Variants in INSL6 observed in about 807,000 individuals in gnomAD.
INSL6 encodes the protein insulin-like peptide INSL6.
A neutral mutation model predicts 9.4 loss-of-function variants in INSL6; 16 were observed. The ratio of observed to expected loss-of-function variants is 1.70; its 90% confidence interval spans 1.15 to 2.59. The LOEUF is 2.59. INSL6 is among the 30% of genes most tolerant of loss of function. INSL6 has a pLI of 0.00. For synonymous variants in INSL6, 154 were observed against 96.9 expected (o/e 1.59, Z -3.46); for missense variants, 391 against 257.3 (o/e 1.52, Z -3.56).
At chr9:5,072,282 T>A in the INSL6 span, among the ~76,000 whole-genome samples, 1 of 152,144 alleles carries the variant, frequency 6.6e-6, no homozygotes, top group Admixed American at 6.5e-5. Context: ...AAAATACACT[T>A]AATTCATTAA....
chr9:5,162,646 C>T (rs1488599039), downstream of INSL6, among the ~76,000 whole-genome samples: 5 of 152,216 alleles, frequency 3.3e-5, no homozygotes, highest in East Asian at 9.6e-4. Context: ...TTTGTATCTA[C>T]ATGGGTAGCT....
chr9:5,061,404 T>C, the INSL6 span, among the ~76,000 whole-genome samples: 1 of 152,248 alleles, frequency 6.6e-6, no homozygotes, highest in South Asian at 2.1e-4. Context: ...CAATGGTCCT[T>C]ACTAGATCTT....
chr9:5,086,855 A>T, the INSL6 span, among the ~76,000 whole-genome samples: 1 of 152,166 alleles, frequency 6.6e-6, no homozygotes, highest in African/African-American at 2.4e-5. Context: ...CTTCTCATAG[A>T]GCAGTTTGTA....
At chr9:5,170,556 CTT>C (rs202135593) in intron 1 of INSL6, among the ~76,000 whole-genome samples, 1 of 138,308 alleles carries the variant, frequency 7.2e-6, no homozygotes. Flanking sequence ...AATCCAGGGG[CTT>C]TTTTTTTTTT....
At chr9:5,084,089 C>T in the INSL6 span, among the ~76,000 whole-genome samples, 11 of 151,972 alleles carry the variant, frequency 7.2e-5, no homozygotes, top group Admixed American at 6.5e-4. Context: ...TTCCATAGTT[C>T]CGTGAGCTTA....
chr9:5,047,875 A>G, the INSL6 span, among the ~76,000 whole-genome samples: 1 of 152,276 alleles, frequency 6.6e-6, no homozygotes, highest in South Asian at 2.1e-4. Flanking sequence ...TGCTGGGAGT[A>G]CGAGTGTGAG....
the INSL6 span, among the ~76,000 whole-genome samples, chr9:5,028,099 GA>G: frequency 1.3e-5 from 2 of 152,130 alleles, no homozygotes; most frequent in Admixed American, 1.3e-4. Context: ...TCTGTGAGAG[GA>G]AACACTGTGA....
chr9:5,030,530 C>T, the INSL6 span, among the ~76,000 whole-genome samples: 1 of 151,780 alleles, frequency 6.6e-6, no homozygotes, highest in Non-Finnish European at 1.5e-5. Context: ...TTAAGATTTC[C>T]ACATTAAAGA....
chr9:5,116,782 A>C, the INSL6 span, among the ~76,000 whole-genome samples: 1 of 152,224 alleles, frequency 6.6e-6, no homozygotes, highest in African/African-American at 2.4e-5. Context: ...AGGCAAATTC[A>C]ACTGACAGGT....
At chr9:5,076,465 A>C in the INSL6 span, among the ~76,000 whole-genome samples, 3 of 152,208 alleles carry the variant, frequency 2.0e-5, no homozygotes, top group South Asian at 2.1e-4. Flanking sequence ...AACTTTCTGA[A>C]GGCTCAGATT....
chr9:5,169,704 C>G (rs1156327491), intron 1 of INSL6, among the ~76,000 whole-genome samples: 1 of 152,014 alleles, frequency 6.6e-6, no homozygotes, highest in Non-Finnish European at 1.5e-5. Flanking sequence ...AAACAGAAAA[C>G]AGCAAGGGTT....
At chr9:5,144,850 C>CTAT (rs1824571078) in intron 2 of INSL6, among the ~76,000 whole-genome samples, 1 of 152,130 alleles carries the variant, frequency 6.6e-6, no homozygotes, top group Admixed American at 6.6e-5. Flanking sequence ...TATTTTCAGC[C>CTAT]TATTTGTGTC....
chr9:5,103,221 C>CA, the INSL6 span, among the ~76,000 whole-genome samples: 26 of 6,866 alleles, frequency 3.8e-3, 7 homozygotes, highest in East Asian at 0.011. Flanking sequence ...AAAGGGAAAG[C>CA]AAAAAAAAAA....
the INSL6 span, among the ~76,000 whole-genome samples, chr9:4,997,285 A>T: frequency 6.4e-3 from 978 of 152,210 alleles, 7 homozygotes; most frequent in Middle Eastern, 0.014. Context: ...TGAGTAATTT[A>T]TAAAGAAAAG....
chr9:5,020,231 A>G, the INSL6 span, among the ~76,000 whole-genome samples: 10 of 152,174 alleles, frequency 6.6e-5, no homozygotes, highest in African/African-American at 2.4e-4. Flanking sequence ...GTGAGTGGGA[A>G]CCAGCTGTGG....
At chr9:5,143,551 G>C (rs1281370964) in intron 2 of INSL6, among the ~76,000 whole-genome samples, 2 of 151,870 alleles carry the variant, frequency 1.3e-5, no homozygotes, top group African/African-American at 4.8e-5. Context: ...TGTCATTTCT[G>C]ATAGTGCATA....
the INSL6 span, chr9:5,111,138 C>A: frequency 2.0e-6 from 2 of 993,584 alleles, no homozygotes; most frequent in Non-Finnish European, 3.0e-6. Flanking sequence ...GGACGTTCAG[C>A]GAAGGCGCTC....
At chr9:5,002,470 C>A in the INSL6 span, among the ~76,000 whole-genome samples, 1 of 151,878 alleles carries the variant, frequency 6.6e-6, no homozygotes, top group East Asian at 1.9e-4. Flanking sequence ...ATTTCTAATT[C>A]AATTTTGCTA....
intron 2 of INSL6, among the ~76,000 whole-genome samples, chr9:5,147,429 G>C (rs1003914491): frequency 1.3e-5 from 2 of 152,216 alleles, no homozygotes; most frequent in African/African-American, 4.8e-5. Flanking sequence ...CAATGGCAGA[G>C]AACTTTCAGT....
Sources: gnomAD v4.1 joint callset for allele counts (sites outside exome capture counted in the v4.1 genomes callset) on GRCh38, gnomAD v4.1.1 for gene constraint, MANE v1.5 for transcripts, NCBI Gene and HGNC (gene_info 2026-07-23, HGNC 2026-07-21) for gene names.